The following PECAM1 variants were observed in gnomAD, a reference collection of about 807,000 sequenced individuals.
PECAM1 encodes the protein platelet and endothelial cell adhesion molecule 1.
Under a neutral mutation model 13.8 loss-of-function variants are expected in PECAM1, and 8 were observed. The observed-to-expected ratio is 0.58, with a 90% CI of 0.34 to 1.05. PECAM1 has a LOEUF of 1.05. PECAM1 is among the 50% of genes least tolerant of loss of function. The pLI is 0.03. For missense variants in PECAM1, 304 were observed against 141.2 expected (o/e 2.15, Z -5.84); for synonymous variants, 136 against 52.6 (o/e 2.58, Z -6.86).
At chr17:64,374,420 C>A (rs1443309927) in intron 4 of PECAM1, among the ~76,000 whole-genome samples, 1 of 152,042 alleles carries the variant, frequency 6.6e-6, no homozygotes, top group Non-Finnish European at 1.5e-5. Flanking sequence ...ACCTGGGAGG[C>A]GGAGGTTGCA....
chr17:64,375,481 C>G (rs1243968786), intron 3 of PECAM1, 125 bp from the exon 4 acceptor site: 8 of 397,460 alleles, frequency 2.0e-5, no homozygotes, highest in African/African-American at 1.4e-4. Context: ...TGAGAGGGCT[C>G]TTTTTTGTTC....
chr17:64,370,109 C>T (rs1330183730), intron 4 of PECAM1, 84 bp from the exon 5 acceptor site: 2 of 397,984 alleles, frequency 5.0e-6, no homozygotes, highest in Non-Finnish European at 8.8e-6. Flanking sequence ...GCTGCTTCCC[C>T]TTTTCAAACT....
intron 2 of PECAM1, among the ~76,000 whole-genome samples, chr17:64,386,271 G>T (rs1466302675): frequency 3.9e-5 from 6 of 152,164 alleles, no homozygotes; most frequent in African/African-American, 1.4e-4. Context: ...CGGGCATGGT[G>T]GTTCGTGCCT....
chr17:64,345,528 C>G (rs1276118759), intron 13 of PECAM1, among the ~76,000 whole-genome samples: 1 of 151,864 alleles, frequency 6.6e-6, no homozygotes, highest in African/African-American at 2.4e-5. Context: ...GCCTGGCCAA[C>G]ATGGTGAAAC....
intron 12 of PECAM1, among the ~76,000 whole-genome samples, chr17:64,348,887 G>C (rs2035646585): frequency 6.6e-6 from 1 of 152,196 alleles, no homozygotes; most frequent in Non-Finnish European, 1.5e-5. Context: ...TTTCCTCCCT[G>C]ACTCCTCTGT....
At chr17:64,382,762 C>A (rs963786773) in intron 2 of PECAM1, among the ~76,000 whole-genome samples, 1 of 150,742 alleles carries the variant, frequency 6.6e-6, no homozygotes, top group South Asian at 2.1e-4. Context: ...TAAGGCTGGG[C>A]GTGGTGGCTC....
At chr17:64,371,766 G>T (rs1383857703) in intron 4 of PECAM1, among the ~76,000 whole-genome samples, 1 of 152,126 alleles carries the variant, frequency 6.6e-6, no homozygotes, top group Non-Finnish European at 1.5e-5. Flanking sequence ...GTGGGCGGAG[G>T]TTGCAGTGAG....
intron 5 of PECAM1, among the ~76,000 whole-genome samples, chr17:64,364,725 T>C (rs1247365469): frequency 6.6e-6 from 1 of 152,022 alleles, no homozygotes; most frequent in South Asian, 2.1e-4. Context: ...AAAAACCACA[T>C]GATTATCTCA....
At chr17:64,367,061 T>C (rs1177280626) in intron 5 of PECAM1, among the ~76,000 whole-genome samples, 10 of 143,588 alleles carry the variant, frequency 7.0e-5, no homozygotes, top group Non-Finnish European at 1.4e-4. Flanking sequence ...ATGCAGCAAA[T>C]AATGATTCAT....
intron 2 of PECAM1, among the ~76,000 whole-genome samples, chr17:64,381,443 C>T (rs1459672130): frequency 6.6e-6 from 1 of 151,958 alleles, no homozygotes; most frequent in Non-Finnish European, 1.5e-5. Flanking sequence ...ATAAGTGGTC[C>T]CAAGTCATTT....
chr17:64,337,468 C>T (rs2143714566), intron 14 of PECAM1, among the ~76,000 whole-genome samples: 1 of 152,272 alleles, frequency 6.6e-6, no homozygotes, highest in African/African-American at 2.4e-5. Flanking sequence ...GTGGGGATAA[C>T]CAGCACCATC....
chr17:64,342,274 G>T (rs2035453294), intron 13 of PECAM1, among the ~76,000 whole-genome samples: 1 of 152,164 alleles, frequency 6.6e-6, no homozygotes, highest in African/African-American at 2.4e-5. Context: ...CTGGACCTGA[G>T]GGGCCACGGA....
intron 14 of PECAM1, among the ~76,000 whole-genome samples, chr17:64,336,960 A>C (rs62071615): frequency 0.044 from 6,751 of 152,126 alleles, 208 homozygotes; most frequent in Middle Eastern, 0.071. Flanking sequence ...AGGAAAAAGG[A>C]AAGAAAGGAA....
chr17:64,367,411 G>A (rs1266230184), intron 5 of PECAM1, among the ~76,000 whole-genome samples: 2 of 152,004 alleles, frequency 1.3e-5, no homozygotes, highest in Non-Finnish European at 2.9e-5. Context: ...TTATCTAGGT[G>A]TGGTGGTGCA....
intron 14 of PECAM1, 75 bp downstream of exon 14, chr17:64,341,559 C>A: frequency 2.4e-6 from 1 of 414,796 alleles, no homozygotes; most frequent in African/African-American, 2.0e-5. Context: ...CTTCTTTTCT[C>A]TGCCCACTCC....
chr17:64,367,193 G>A, intron 5 of PECAM1, among the ~76,000 whole-genome samples: 1 of 152,046 alleles, frequency 6.6e-6, no homozygotes, highest in East Asian at 1.9e-4. Flanking sequence ...AACAGTCTCT[G>A]ACTTCAAAGT....
rs2036476334 is a variant in PECAM1 at position 64,381,300 on chromosome 17, T to A, written c.92-3183A>T. Reference sequence around the variant, plus strand: ...TTTGATTGTTAACACACAGCAAAAATTTCACCTCTGCTTCTAGCAATCTTT... The same window carrying A: ...TTTGATTGTTAACACACAGCAAAAAATTCACCTCTGCTTCTAGCAATCTTT... On this transcript the variant is annotated intron_variant, in intron 2 of 15. Coordinates refer to ENST00000563924, the MANE Select transcript of PECAM1 (RefSeq NM_000442.5). Among the ~76,000 whole-genome samples the A allele has an allele frequency of 7.9e-5, 12 of 152,298 alleles. No homozygotes were observed. The South Asian group carries it at 2.5e-3, about 32-fold the overall frequency.
chr17:64,350,245 C>A, intron 12 of PECAM1, 135 bp downstream of exon 12: 1 of 385,458 alleles, frequency 2.6e-6, no homozygotes, highest in Non-Finnish European at 4.8e-6. Flanking sequence ...TTCATTGACA[C>A]ATCGGCTGGG....
chr17:64,377,976 T>G lies in PECAM1; in HGVS notation c.233A>C (p.Asp78Ala). 4.2e-6 allele frequency: 2 copies of G among 475,350 alleles called. No individual in the cohort carries two copies. Among genetic ancestry groups the G allele is most frequent in the Middle Eastern group, 6.0e-4 (1 of 1,660 alleles). The allele number at this position is 475,350 out of a possible 1,614,324, so 29.4% of individuals were successfully genotyped here. A position where few individuals can be genotyped will look rare whatever the true frequency, so the allele number is the denominator to read the frequency against. Reference sequence around the variant, plus strand: ...GGAGATGTTGTAAAACAGCACGTCATCCTTATAGAACAGCATCTGGTGCTG... The same window carrying G: ...GGAGATGTTGTAAAACAGCACGTCAGCCTTATAGAACAGCATCTGGTGCTG... ...KPQHQMLFYKDDVLFYNISSM... is the reference protein window; with the variant it reads ...KPQHQMLFYKADVLFYNISSM... Residue 78 changes from aspartate (D) to alanine (A), a missense_variant, in exon 3 of 16, where the codon GAT becomes GCT. Asp to Ala is a moderately radical substitution (Grantham distance 126, BLOSUM62 -2). Transcript: ENST00000563924.
Sources: allele counts gnomAD v4.1 joint callset (sites outside exome capture counted in the v4.1 genomes callset), GRCh38; gene constraint gnomAD v4.1.1; transcripts MANE v1.5; gene names NCBI Gene and HGNC (gene_info 2026-07-23, HGNC 2026-07-21).